Variants in PDGFRL observed in about 807,000 individuals in gnomAD.
PDGFRL encodes platelet-derived growth factor receptor-like protein.
A neutral mutation model predicts 37.2 loss-of-function variants in PDGFRL; 46 were observed. The observed-to-expected ratio is 1.24, with a 90% CI of 0.98 to 1.58. The LOEUF (loss-of-function observed/expected upper bound fraction) is 1.58, where lower values mean the gene tolerates loss of function less well. Ranked by LOEUF, PDGFRL falls within the 40% of genes most tolerant of loss-of-function variation. PDGFRL has a pLI of 0.00. For missense variants in PDGFRL, 692 were observed against 467.6 expected, an observed-to-expected ratio of 1.48 and a Z score of -4.43; for synonymous variants, 251 against 184.3, an observed-to-expected ratio of 1.36 and a Z score of -2.93.
chr8:17,608,615 G>C (rs1563517051), intron 2 of PDGFRL, among the ~76,000 whole-genome samples: 1 of 152,150 alleles, frequency 6.6e-6, no homozygotes, highest in Non-Finnish European at 1.5e-5. Flanking sequence ...ACGCTAAATA[G>C]CATTAACGTT....
At chr8:17,587,386 C>T (rs1393719582) in intron 1 of PDGFRL, among the ~76,000 whole-genome samples, 2 of 152,114 alleles carry the variant, frequency 1.3e-5, no homozygotes, top group African/African-American at 4.8e-5. Flanking sequence ...ATAGGATTTA[C>T]AGATGGTTAT....
chr8:17,622,756 C>G (rs1159538481), intron 3 of PDGFRL, among the ~76,000 whole-genome samples: 2 of 152,192 alleles, frequency 1.3e-5, no homozygotes, highest in African/African-American at 4.8e-5. Flanking sequence ...GCAGGTTGCT[C>G]TCCACACAAT....
At chr8:17,624,480 A>G (rs747533862) in intron 3 of PDGFRL, among the ~76,000 whole-genome samples, 2 of 152,240 alleles carry the variant, frequency 1.3e-5, no homozygotes, top group Non-Finnish European at 2.9e-5. Context: ...ATACAGCTCA[A>G]TAAATTATCC....
Position 17,634,024 on chromosome 8 carries a change from T to C in PDGFRL, c.800-50T>C, listed in dbSNP as rs761227157. 5 of 1,597,764 alleles carry C rather than the reference T, an allele frequency of 3.1e-6. No individual in the cohort carries two copies. The South Asian group carries it at 5.5e-5, about 18-fold the overall frequency. On this transcript the variant is annotated intron_variant, in intron 4 of 5. Transcript: ENST00000251630. The stretch of plus-strand genomic sequence containing the variant: ...AAAGAATGCATCTGTAGGTTTGTTT[T>C]CAAGGTTACACTCGGGGTCTCACTC...
chr8:17,628,882 C>T, intron 4 of PDGFRL, 102 bp downstream of exon 4: 1 of 734,202 alleles, frequency 1.4e-6, no homozygotes, highest in Non-Finnish European at 2.3e-6. Flanking sequence ...TCCATGAGTG[C>T]CTTTTGTTTC....
In PDGFRL at chr8:17,642,880, C is replaced by T. The variant is rs777987478; in HGVS notation, c.*79C>T. The T allele has an allele frequency of 2.0e-5, 18 of 899,350 alleles. No individual in the cohort carries two copies. In the African/African-American group the frequency reaches 2.7e-4, roughly 13 times the overall value. 55.7% of individuals were successfully genotyped at this position (899,350 alleles called of 1,614,324 possible). A position where few individuals can be genotyped will look rare whatever the true frequency, so the allele number is the denominator to read the frequency against. On this transcript the variant is annotated 3_prime_UTR_variant, in exon 6 of 6. Coordinates refer to ENST00000251630, the MANE Select transcript of PDGFRL (RefSeq NM_001372073.1). The stretch of plus-strand genomic sequence containing the variant: ...AGCTTTGGGGTTCCTTTTATTAGTG[C>T]TTTGCCAGAGGCTGATGTCAAGCAC...
At chr8:17,627,026 G>C (rs1804747724) in intron 3 of PDGFRL, among the ~76,000 whole-genome samples, 1 of 152,182 alleles carries the variant, frequency 6.6e-6, no homozygotes. Flanking sequence ...CGCTAACCTT[G>C]GCAGGCGCCA....
intron 1 of PDGFRL, among the ~76,000 whole-genome samples, chr8:17,583,239 T>A (rs1461745968): frequency 6.6e-6 from 1 of 152,082 alleles, no homozygotes; most frequent in African/African-American, 2.4e-5. Flanking sequence ...GGGCACTGCC[T>A]AGGGGAGCCA....
At chr8:17,611,077 C>T (rs570791356) in intron 2 of PDGFRL, among the ~76,000 whole-genome samples, 2 of 152,334 alleles carry the variant, frequency 1.3e-5, no homozygotes, top group East Asian at 1.9e-4. Context: ...TTTTGCGGTA[C>T]GCAGTGGGAG....
intron 2 of PDGFRL, among the ~76,000 whole-genome samples, chr8:17,590,253 A>AAAAAG (rs1356419901): frequency 8.3e-5 from 12 of 144,626 alleles, no homozygotes; most frequent in African/African-American, 3.1e-4. Flanking sequence ...AAAAAAAAAA[A>AAAAAG]AAATTGCAAA....
intron 2 of PDGFRL, among the ~76,000 whole-genome samples, chr8:17,610,208 G>GTT (rs1159475310): frequency 6.6e-6 from 1 of 152,194 alleles, no homozygotes; most frequent in African/African-American, 2.4e-5. Context: ...GTATGTGGCT[G>GTT]TGAGCGTTCA....
chr8:17,578,801 CAAT>C (rs1281509881), intron 1 of PDGFRL, among the ~76,000 whole-genome samples: 1 of 152,258 alleles, frequency 6.6e-6, no homozygotes, highest in Admixed American at 6.5e-5. Context: ...TCCATACAAA[CAAT>C]AAGCATTTAT....
chr8:17,635,133 T>C (rs759573921), intron 5 of PDGFRL, among the ~76,000 whole-genome samples: 1 of 152,152 alleles, frequency 6.6e-6, no homozygotes, highest in Non-Finnish European at 1.5e-5. Flanking sequence ...TTGTTTTTAA[T>C]ATATTTTGTC....
rs367791433 is a variant in PDGFRL at position 17,629,400 on chromosome 8, A to G, written c.799+620A>G. ...TTGGATCAGGTCTTCTATGTCCCCA[A>G]ACTCCTTTAGAGCATCCTCCCAGCC... On this transcript the variant is annotated intron_variant, in intron 4 of 5. Coordinates refer to ENST00000251630, the MANE Select transcript of PDGFRL (RefSeq NM_001372073.1). Among the ~76,000 whole-genome samples, 4 of 151,958 alleles carry G rather than the reference A, an allele frequency of 2.6e-5. 1 individual carries two copies. The highest frequency in any genetic ancestry group is 4.2e-4 in the South Asian group (2 of 4,804).
chr8:17,631,520 C>T (rs903681976), intron 4 of PDGFRL, among the ~76,000 whole-genome samples: 4 of 152,180 alleles, frequency 2.6e-5, no homozygotes, highest in African/African-American at 7.2e-5. Flanking sequence ...CCCTGCTCCA[C>T]CTCCCCCAGT....
At chr8:17,593,763 T>G (rs561973673) in intron 2 of PDGFRL, among the ~76,000 whole-genome samples, 1 of 152,040 alleles carries the variant, frequency 6.6e-6, no homozygotes, top group South Asian at 2.1e-4. Context: ...GCATGGTACA[T>G]GACTGTAATT....
intron 1 of PDGFRL, among the ~76,000 whole-genome samples, chr8:17,578,089 T>C (rs1803627187): frequency 6.6e-6 from 1 of 152,006 alleles, no homozygotes. Context: ...GTGTGTATTA[T>C]ATATTATTGT....
chr8:17,603,610 C>T (rs570095358), intron 2 of PDGFRL, among the ~76,000 whole-genome samples: 1 of 152,170 alleles, frequency 6.6e-6, no homozygotes, highest in African/African-American at 2.4e-5. Context: ...CTTGACTCCT[C>T]TGCCCTGTTC....
At chr8:17,588,556 C>T (rs192882314) in intron 1 of PDGFRL, among the ~76,000 whole-genome samples, 1 of 152,054 alleles carries the variant, frequency 6.6e-6, no homozygotes, top group African/African-American at 2.4e-5. Context: ...ATGTGTAGGC[C>T]TAGCTACTCA....
Sources: allele counts gnomAD v4.1 joint callset (sites outside exome capture counted in the v4.1 genomes callset), GRCh38; gene constraint gnomAD v4.1.1; transcripts MANE v1.5; gene names NCBI Gene and HGNC (gene_info 2026-07-23, HGNC 2026-07-21).